The following ZNF253 variants were observed in gnomAD, a reference collection of about 807,000 sequenced individuals.
ZNF253 encodes the protein zinc finger protein 253.
Under a neutral mutation model 11.9 loss-of-function variants are expected in ZNF253, and 8 were observed. The observed-to-expected ratio is 0.67, with a 90% CI of 0.40 to 1.22. The LOEUF is 1.22. ZNF253 is among the 50% of genes most tolerant of loss of function. The pLI, the probability that ZNF253 is intolerant of heterozygous loss-of-function variation, is 0.01. For synonymous variants in ZNF253, 194 were observed against 194.9 expected (o/e 1.00, Z 0.04); for missense variants, 485 against 586.9 (o/e 0.83, Z 1.79).
intron 1 of ZNF253, among the ~76,000 whole-genome samples, chr19:19,873,075 G>A (rs1238639519): frequency 6.6e-6 from 1 of 152,096 alleles, no homozygotes; most frequent in Admixed American, 6.5e-5. Context: ...CCCCCATTTG[G>A]GAATGTGGCT....
intron 1 of ZNF253, among the ~76,000 whole-genome samples, chr19:19,877,619 C>T (rs909011014): frequency 2.6e-5 from 4 of 152,148 alleles, no homozygotes; most frequent in African/African-American, 7.2e-5. Flanking sequence ...AGGTGACCCA[C>T]CCATCTCGGC....
intron 1 of ZNF253, among the ~76,000 whole-genome samples, chr19:19,871,716 A>T (rs1321466565): frequency 2.6e-5 from 4 of 152,198 alleles, no homozygotes; most frequent in Non-Finnish European, 5.9e-5. Context: ...AATTATGGTG[A>T]CCATCTTTCT....
intron 3 of ZNF253, among the ~76,000 whole-genome samples, chr19:19,890,630 C>T (rs1227295906): frequency 6.6e-6 from 1 of 150,774 alleles, no homozygotes; most frequent in East Asian, 2.0e-4. Flanking sequence ...TGAAGCAATT[C>T]TCCTGCCTCA....
intron 3 of ZNF253, among the ~76,000 whole-genome samples, chr19:19,882,557 G>A (rs993019947): frequency 2.6e-5 from 4 of 152,092 alleles, no homozygotes; most frequent in Admixed American, 6.5e-5. Flanking sequence ...TGTGAGTCAC[G>A]GTGTCCGGCC....
chr19:19,880,273 GTTTTTT>G (rs765915336), intron 3 of ZNF253, 127 bp downstream of exon 3: 24 of 203,620 alleles, frequency 1.2e-4, no homozygotes, highest in East Asian at 3.4e-4. Flanking sequence ...CTGGGCAGCT[GTTTTTT>G]TTTTTTTTTT....
chr19:19,866,508 T>G (rs1008473543), intron 1 of ZNF253, among the ~76,000 whole-genome samples: 4 of 151,598 alleles, frequency 2.6e-5, no homozygotes, highest in Non-Finnish European at 4.4e-5. Flanking sequence ...AAGGTTTTTT[T>G]TTTTTTTGAG....
rs751090656 is a variant in ZNF253, at chr19:19,892,423, A to C, written c.1176A>C (p.Gly392=). 3.1e-6 allele frequency: 5 copies of C among 1,613,958 alleles called. No homozygotes were observed. The highest frequency in any genetic ancestry group is 4.2e-6 in the Non-Finnish European group (5 of 1,180,008). Residue 392 remains glycine (G), a synonymous_variant, in exon 4 of 4, where the codon GGA becomes GGC. Coordinates refer to ENST00000589717, the MANE Select transcript of ZNF253 (RefSeq NM_021047.3). ...TTTCACATGAGAAAATTCATACTGGAGAGAAACCCTACAAATGTGATGAAT... is the reference window on the plus strand; with the variant it reads ...TTTCACATGAGAAAATTCATACTGGCGAGAAACCCTACAAATGTGATGAAT... The part of the protein sequence containing the change: ...TLFSHEKIHT[G]EKPYKCDECG...
At chr19:19,875,638 G>A (rs993709630) in intron 1 of ZNF253, among the ~76,000 whole-genome samples, 2 of 151,928 alleles carry the variant, frequency 1.3e-5, no homozygotes, top group Admixed American at 6.6e-5. Flanking sequence ...CTCGTGATCC[G>A]CCCGCCTCGG....
rs550776408 is a variant in ZNF253 at position 19,894,560 on chromosome 19, C to T, written c.*1813C>T. ...CCTAGCCAATGACTTAATGTTGATG[C>T]TTTGAATGTCTTTTGGATGGTCTAA... On this transcript the variant is annotated 3_prime_UTR_variant, in exon 4 of 4. Transcript: ENST00000589717. 1.3e-5 allele frequency: 2 copies of T among 152,212 alleles called. No individual in the cohort carries two copies. The highest frequency in any genetic ancestry group is 2.1e-4 in the South Asian group (1 of 4,828). The allele number at this position is 152,212 out of a possible 1,614,324, so 9.4% of individuals were successfully genotyped here. A position where few individuals can be genotyped will look rare whatever the true frequency, so the allele number is the denominator to read the frequency against.
chr19:19,878,242 C>T (rs530237782), intron 1 of ZNF253, among the ~76,000 whole-genome samples: 14 of 152,172 alleles, frequency 9.2e-5, no homozygotes, highest in African/African-American at 3.4e-4. Flanking sequence ...TAATTTTATG[C>T]TCTATTATCT....
At chr19:19,885,231 CTT>C (rs1211589561) in intron 3 of ZNF253, among the ~76,000 whole-genome samples, 1 of 54,980 alleles carries the variant, frequency 1.8e-5, no homozygotes, top group Non-Finnish European at 2.9e-5. Flanking sequence ...TTCTTTCTTT[CTT>C]TCTTTCTTTC....
chr19:19,875,450 G>T, intron 1 of ZNF253, among the ~76,000 whole-genome samples: 1 of 151,850 alleles, frequency 6.6e-6, no homozygotes, highest in South Asian at 2.1e-4. Flanking sequence ...AGGCTGGAGT[G>T]CAGTGGTGGA....
At position 19,880,162 on chromosome 19, in the gene ZNF253, A is replaced by G; in HGVS notation, c.226+16A>G. ...AAACCCCCAGGTAGGTACGAGTGAA[A>G]ACGAATACAACAGATGACACAGATA... On this transcript the variant is annotated intron_variant, in intron 3 of 3. Coordinates refer to ENST00000589717, the MANE Select transcript of ZNF253 (RefSeq NM_021047.3). 6.4e-7 allele frequency: 1 copy of G among 1,565,408 alleles called. No individual in the cohort carries two copies. Among genetic ancestry groups the G allele is most frequent in the Non-Finnish European group, 8.7e-7 (1 of 1,150,334 alleles).
chr19:19,874,196 C>T, intron 1 of ZNF253, among the ~76,000 whole-genome samples: 1 of 152,088 alleles, frequency 6.6e-6, no homozygotes, highest in East Asian at 1.9e-4. Flanking sequence ...AGGCAGGAGC[C>T]ACCGCGCCCA....
chr19:19,884,420 G>C (rs2063190418), intron 3 of ZNF253, among the ~76,000 whole-genome samples: 1 of 151,968 alleles, frequency 6.6e-6, no homozygotes, highest in Non-Finnish European at 1.5e-5. Context: ...CACCCAGGCT[G>C]GAGTGTAGTC....
At chr19:19,871,297 T>G (rs1344416307) in intron 1 of ZNF253, 1 of 152,512 alleles carries the variant, frequency 6.6e-6, no homozygotes, top group South Asian at 2.1e-4. Flanking sequence ...CACTCTGATG[T>G]GACACTGGAG....
chr19:19,868,657 A>G (rs1444493743), intron 1 of ZNF253, among the ~76,000 whole-genome samples: 1 of 152,054 alleles, frequency 6.6e-6, no homozygotes, highest in Non-Finnish European at 1.5e-5. Flanking sequence ...AAGAGTTCAA[A>G]AACTCTTTAA....
chr19:19,876,309 T>C lies in ZNF253; in HGVS notation c.4-2172T>C, dbSNP rs187509103. Reference sequence around the variant, plus strand: ...GTGATTTATAAGCTCATTAAAACTTTACAGGCAGTGCTCTCATTCATGAGA... The same window carrying C: ...GTGATTTATAAGCTCATTAAAACTTCACAGGCAGTGCTCTCATTCATGAGA... On this transcript the variant is annotated intron_variant, in intron 1 of 3. Coordinates refer to ENST00000589717, the MANE Select transcript of ZNF253 (RefSeq NM_021047.3). 3.9e-3 allele frequency among the ~76,000 whole-genome samples: 568 copies of C among 144,922 alleles called. 6 individuals carry two copies. The highest frequency in any genetic ancestry group is 0.014 in the African/African-American group (537 of 39,302).
At position 19,892,061 on chromosome 19, in the gene ZNF253, A is replaced by G; in HGVS notation, c.814A>G (p.Thr272Ala). The change falls in exon 4 of 4, where the codon ACT becomes GCT. Residue 272 changes from threonine (T) to alanine (A), a missense_variant. Thr to Ala is a moderately conservative substitution (Grantham distance 58, BLOSUM62 0). Transcript: ENST00000589717. ...AGCCTTCAACCGATCCACAGACCTT[A>G]CTACACATAAGATAGTTCATACTGG... The part of the protein sequence containing the change: ...GKAFNRSTDL[T>A]THKIVHTGEK... The G allele has an allele frequency of 6.2e-7, 1 of 1,613,842 alleles. No homozygotes were observed. The highest frequency in any genetic ancestry group is 1.3e-5 in the African/African-American group (1 of 75,030).
Sources: gnomAD v4.1 joint callset for allele counts (sites outside exome capture counted in the v4.1 genomes callset) on GRCh38, gnomAD v4.1.1 for gene constraint, MANE v1.5 for transcripts, NCBI Gene and HGNC (gene_info 2026-07-23, HGNC 2026-07-21) for gene names.